The following PARD3B variants were observed in gnomAD, a reference collection of about 807,000 sequenced individuals.
PARD3B encodes the protein par-3 family cell polarity regulator beta, also known as partitioning defective 3 homolog B.
A neutral mutation model predicts 130.2 loss-of-function variants in PARD3B; 103 were observed. That is an observed-to-expected ratio of 0.79 (90% CI 0.67 to 0.93). The LOEUF is 0.93. Among genes scored for constraint, PARD3B ranks in the 40% least tolerant of loss-of-function variants. PARD3B has a pLI of 0.00. For synonymous variants in PARD3B, 583 were observed against 553.2 expected (o/e 1.05, Z -0.76); for missense variants, 1,609 against 1,499.2 (o/e 1.07, Z -1.21).
At chr2:205,165,899 A>G (rs1362925519) in intron 11 of PARD3B, among the ~76,000 whole-genome samples, 1 of 152,162 alleles carries the variant, frequency 6.6e-6, no homozygotes, top group Non-Finnish European at 1.5e-5. Flanking sequence ...CTGAACAAGT[A>G]GAGATAGGGG....
chr2:204,990,525 T>C (rs564478697), intron 3 of PARD3B, among the ~76,000 whole-genome samples: 129 of 152,238 alleles, frequency 8.5e-4, no homozygotes, highest in African/African-American at 3.1e-3. Context: ...AAACCTTTCT[T>C]TCTCCCTCCC....
intron 21 of PARD3B, among the ~76,000 whole-genome samples, chr2:205,512,723 A>C (rs1044747855): frequency 9.9e-5 from 15 of 152,166 alleles, no homozygotes; most frequent in African/African-American, 3.1e-4. Context: ...GTGTGTGTGC[A>C]TAAAGTTGTG....
In PARD3B at chr2:205,078,680, A is replaced by G. The variant is rs1294018947; in HGVS notation, c.505-25746A>G. Among the ~76,000 whole-genome samples, 3 of 152,154 alleles carry G rather than the reference A, an allele frequency of 2.0e-5. No homozygotes were observed. The highest frequency in any genetic ancestry group is 4.4e-5 in the Non-Finnish European group (3 of 68,028). On this transcript the variant is annotated intron_variant, in intron 4 of 22. Transcript: ENST00000406610. This position sits in a 1 kb window ranked among gnomAD's most constrained non-coding sequence, Gnocchi z 4.0. The stretch of plus-strand genomic sequence containing the variant: ...TAATGTCCTCTCTTCTTGAATCTGG[A>G]CTGGCCCAGTGACTTAATTGAAAAT...
Position 205,122,798 on chromosome 2 carries a change from A to G in PARD3B, c.1165+849A>G, listed in dbSNP as rs2030905277. Among the ~76,000 whole-genome samples, 2 of 152,250 alleles carry G rather than the reference A, an allele frequency of 1.3e-5. No homozygotes were observed. Among genetic ancestry groups the G allele is most frequent in the Admixed American group, 1.3e-4 (2 of 15,288 alleles). ...ATGTATCATCATTTAGGATATGAAA[A>G]TTATTCTGGAAAGATTCTCTGATCA... On this transcript the variant is annotated intron_variant, in intron 8 of 22. Coordinates refer to ENST00000406610, the MANE Select transcript of PARD3B (RefSeq NM_001302769.2). The surrounding 1 kb of genome is among the most constrained non-coding windows in gnomAD (Gnocchi z 4.3).
At chr2:204,891,765 A>G (rs2046455679) in intron 2 of PARD3B, among the ~76,000 whole-genome samples, 1 of 151,902 alleles carries the variant, frequency 6.6e-6, no homozygotes, top group Non-Finnish European at 1.5e-5. Flanking sequence ...CCCCTGGACA[A>G]TTTTTCTGAA....
At chr2:204,771,269 T>C (rs2041364319) in intron 2 of PARD3B, among the ~76,000 whole-genome samples, 1 of 152,054 alleles carries the variant, frequency 6.6e-6, no homozygotes, top group African/African-American at 2.4e-5. Flanking sequence ...TGTGTAAGCA[T>C]GTCTTGGGTA....
At chr2:204,694,639 G>A (rs1376290193) in intron 2 of PARD3B, among the ~76,000 whole-genome samples, 2 of 152,036 alleles carry the variant, frequency 1.3e-5, no homozygotes, top group East Asian at 1.9e-4. Context: ...CAACCTCAGA[G>A]AAGAATTTTG....
chr2:204,568,866 A>G (rs1216895064), intron 1 of PARD3B, among the ~76,000 whole-genome samples: 1 of 151,746 alleles, frequency 6.6e-6, no homozygotes, highest in Non-Finnish European at 1.5e-5. Flanking sequence ...GAGGTAGGGG[A>G]ATCAATTGAA....
chr2:204,802,378 T>G (rs151165882), intron 2 of PARD3B, among the ~76,000 whole-genome samples: 12,452 of 152,160 alleles, frequency 0.082, 639 homozygotes, highest in African/African-American at 0.14. Context: ...TAGGAACGCT[T>G]TTACACTGTT....
At chr2:205,380,691 ACT>A (rs1392977966) in intron 18 of PARD3B, among the ~76,000 whole-genome samples, 26 of 96,928 alleles carry the variant, frequency 2.7e-4, no homozygotes, top group African/African-American at 5.5e-4. Flanking sequence ...AAACATATAT[ACT>A]ATATATAAAG....
At chr2:205,388,659 A>G (rs1036447652) in intron 18 of PARD3B, among the ~76,000 whole-genome samples, 3 of 152,170 alleles carry the variant, frequency 2.0e-5, no homozygotes, top group Admixed American at 2.0e-4. Flanking sequence ...ATGGAATTAT[A>G]TCTACTTTTA....
intron 2 of PARD3B, among the ~76,000 whole-genome samples, chr2:204,773,286 A>G (rs1268003871): frequency 6.6e-6 from 1 of 151,996 alleles, no homozygotes; most frequent in Non-Finnish European, 1.5e-5. Flanking sequence ...AGTCATCTGC[A>G]TACTAGACCT....
rs1575866812 is a variant in PARD3B, at chr2:205,125,839, T to C, written c.1434+102T>C. On this transcript the variant is annotated intron_variant, in intron 10 of 22. Coordinates refer to ENST00000406610, the MANE Select transcript of PARD3B (RefSeq NM_001302769.2). This position sits in a 1 kb window ranked among gnomAD's most constrained non-coding sequence, Gnocchi z 4.0. ...AACGAGTTCTAAATCACAGGCTTCATTCATAACCAAAATTGAATCACACTC... is the reference window on the plus strand; with the variant it reads ...AACGAGTTCTAAATCACAGGCTTCACTCATAACCAAAATTGAATCACACTC... The C allele has an allele frequency of 6.9e-7, 1 of 1,454,076 alleles. No individual in the cohort carries two copies. Among genetic ancestry groups the C allele is most frequent in the Non-Finnish European group, 9.3e-7 (1 of 1,075,766 alleles). The allele number at this position is 1,454,076 out of a possible 1,614,324, so 90.1% of individuals were successfully genotyped here.
intron 3 of PARD3B, among the ~76,000 whole-genome samples, chr2:205,014,565 G>T (rs995056059): frequency 2.0e-5 from 3 of 152,164 alleles, no homozygotes; most frequent in Non-Finnish European, 4.4e-5. Flanking sequence ...GGGTTATTTG[G>T]CATGTTCTAA....
Position 205,288,556 on chromosome 2 carries a change from C to G in PARD3B, c.2186-11974C>G, listed in dbSNP as rs2041482722. 6.6e-6 allele frequency among the ~76,000 whole-genome samples: 1 copy of G among 152,072 alleles called. No individual in the cohort carries two copies. Among genetic ancestry groups the G allele is most frequent in the Non-Finnish European group, 1.5e-5 (1 of 68,010 alleles). On this transcript the variant is annotated intron_variant, in intron 16 of 22. Coordinates refer to ENST00000406610, the MANE Select transcript of PARD3B (RefSeq NM_001302769.2). The surrounding 1 kb of genome is among the most constrained non-coding windows in gnomAD (Gnocchi z 4.0). ...AAAAACTTCATGGCTTTCTATTGTC[C>G]CCTAATTTGGGCCTTGCCTTCTTAG...
At chr2:205,135,324 T>C (rs548544685) in intron 10 of PARD3B, among the ~76,000 whole-genome samples, 1 of 152,288 alleles carries the variant, frequency 6.6e-6, no homozygotes, top group Non-Finnish European at 1.5e-5. Context: ...TAAGGTACAT[T>C]TGGTGTAAGG....
chr2:205,077,027 C>T (rs750463581), intron 4 of PARD3B, among the ~76,000 whole-genome samples: 9 of 152,278 alleles, frequency 5.9e-5, no homozygotes, highest in Middle Eastern at 3.4e-3. Flanking sequence ...CTCACTGCGT[C>T]ACAACTCATT....
At chr2:204,616,047 A>T (rs547599748) in intron 1 of PARD3B, among the ~76,000 whole-genome samples, 30 of 152,294 alleles carry the variant, frequency 2.0e-4, no homozygotes, top group African/African-American at 7.0e-4. Flanking sequence ...GAAAACCTAG[A>T]TGACCTTGAG....
Position 205,266,477 on chromosome 2 carries a change from T to C in PARD3B, c.2185+20655T>C, listed in dbSNP as rs2105782972. Among the ~76,000 whole-genome samples, 2 of 152,290 alleles carry C rather than the reference T, an allele frequency of 1.3e-5. 1 individual carries two copies. The highest frequency in any genetic ancestry group is 4.1e-4 in the South Asian group (2 of 4,828). On this transcript the variant is annotated intron_variant, in intron 16 of 22. Transcript: ENST00000406610. ...ATTGGAGTCATAGCAACTTGTTGCT[T>C]AATTTATAATTTCTCTGTAGTCACA...
Sources: gnomAD v4.1 joint callset for allele counts (sites outside exome capture counted in the v4.1 genomes callset) on GRCh38, gnomAD v4.1.1 for gene constraint, Gnocchi (gnomAD v3.1) non-coding constraint, MANE v1.5 for transcripts, NCBI Gene and HGNC (gene_info 2026-07-23, HGNC 2026-07-21) for gene names.